Variants in GLT8D2 observed in about 807,000 individuals in gnomAD.
GLT8D2 encodes the protein glycosyltransferase 8 domain containing 2.
Under a neutral mutation model 44.5 loss-of-function variants are expected in GLT8D2, and 45 were observed. That is an observed-to-expected ratio of 1.01 (90% CI 0.80 to 1.30). GLT8D2 has a LOEUF of 1.30. Among genes scored for constraint, GLT8D2 ranks in the 50% most tolerant of loss-of-function variants. GLT8D2 has a pLI of 0.00. For missense variants in GLT8D2, 400 were observed against 430.4 expected, an observed-to-expected ratio of 0.93 and a Z score of 0.62; for synonymous variants, 156 against 157.2, an observed-to-expected ratio of 0.99 and a Z score of 0.06.
intron 4 of GLT8D2, among the ~76,000 whole-genome samples, chr12:104,005,258 A>C (rs913212827): frequency 1.1e-3 from 167 of 152,378 alleles, no homozygotes; most frequent in African/African-American, 3.9e-3. Context: ...CTGAAATGTT[A>C]GACCTAAAAC....
intron 1 of GLT8D2, among the ~76,000 whole-genome samples, chr12:104,026,007 G>T (rs899718059): frequency 2.6e-5 from 4 of 152,126 alleles, no homozygotes; most frequent in African/African-American, 9.7e-5. Context: ...GGCCAGGTAT[G>T]GTGGCTCACA....
intron 1 of GLT8D2, among the ~76,000 whole-genome samples, chr12:104,023,540 T>A (rs1878178355): frequency 6.6e-6 from 1 of 152,208 alleles, no homozygotes; most frequent in Admixed American, 6.5e-5. Context: ...TTTAAGTTTT[T>A]AAAAATTTAC....
intron 10 of GLT8D2, among the ~76,000 whole-genome samples, 160 bp from the exon 11 acceptor site, chr12:103,989,737 GTC>G (rs1475748131): frequency 6.6e-6 from 1 of 152,066 alleles, no homozygotes; most frequent in African/African-American, 2.4e-5. Flanking sequence ...ACCACTGTTA[GTC>G]TCTTGTGAAT....
chr12:103,990,079 AT>A (rs1465461189), intron 10 of GLT8D2, among the ~76,000 whole-genome samples: 2 of 152 alleles, frequency 0.013, no homozygotes, highest in African/African-American at 0.062. Flanking sequence ...ATGTGTACAA[AT>A]ATATATATAT....
intron 1 of GLT8D2, among the ~76,000 whole-genome samples, chr12:104,047,764 C>T (rs1220466920): frequency 6.6e-6 from 1 of 152,142 alleles, no homozygotes; most frequent in East Asian, 1.9e-4. Flanking sequence ...CAGACCATAG[C>T]ACTAGGGGTG....
chr12:103,997,707 T>C (rs934087651), intron 6 of GLT8D2, among the ~76,000 whole-genome samples, 172 bp from the exon 7 acceptor site: 21 of 152,060 alleles, frequency 1.4e-4, no homozygotes, highest in Non-Finnish European at 4.4e-5. Context: ...GCCCAACTTA[T>C]CTGAGGCCTG....
At chr12:104,010,480 C>T (rs1009333689) in intron 4 of GLT8D2, among the ~76,000 whole-genome samples, 8 of 152,224 alleles carry the variant, frequency 5.3e-5, no homozygotes, top group African/African-American at 1.9e-4. Context: ...CTTCTCTATG[C>T]TGTGGCCTTG....
intron 1 of GLT8D2, among the ~76,000 whole-genome samples, chr12:104,042,836 G>A (rs1363541943): frequency 1.3e-5 from 2 of 152,176 alleles, no homozygotes; most frequent in Admixed American, 6.5e-5. Context: ...ATTTGTGTTG[G>A]GCTGCATCCA....
chr12:104,055,820 T>G (rs1274848219), intron 1 of GLT8D2, among the ~76,000 whole-genome samples: 1 of 152,224 alleles, frequency 6.6e-6, no homozygotes, highest in Non-Finnish European at 1.5e-5. Flanking sequence ...ATTACCACAT[T>G]GGGTCAGGCT....
intron 1 of GLT8D2, among the ~76,000 whole-genome samples, chr12:104,032,466 C>CAAAAAAAAAAAAAAAAAAAAAAAAAAA (rs547392677): frequency 1.5e-4 from 9 of 59,670 alleles, no homozygotes; most frequent in Non-Finnish European, 2.5e-4. Context: ...TGTGCAATAG[C>CAAAAAAAAAAAAAAAAAAAAAAAAAAA]AAAAAAAAAA....
intron 4 of GLT8D2, among the ~76,000 whole-genome samples, chr12:104,010,994 G>T (rs945206030): frequency 4.6e-5 from 7 of 152,208 alleles, no homozygotes; most frequent in African/African-American, 1.7e-4. Flanking sequence ...TCCAGAAAAA[G>T]GTCAAACATT....
chr12:104,020,215 C>T (rs1307794397), intron 2 of GLT8D2, among the ~76,000 whole-genome samples: 3 of 152,102 alleles, frequency 2.0e-5, no homozygotes, highest in Non-Finnish European at 4.4e-5. Flanking sequence ...AGCCACAGTG[C>T]CCAGCCCAGA....
chr12:103,993,085 C>A (rs1354405323), intron 10 of GLT8D2, among the ~76,000 whole-genome samples: 4 of 152,088 alleles, frequency 2.6e-5, no homozygotes, highest in African/African-American at 9.7e-5. Context: ...AATCCTAGCA[C>A]TTTGGGAGGC....
intron 4 of GLT8D2, among the ~76,000 whole-genome samples, chr12:104,007,017 T>C (rs554236731): frequency 3.9e-5 from 6 of 152,318 alleles, no homozygotes; most frequent in Non-Finnish European, 8.8e-5. Context: ...TTCTCAAACG[T>C]TGACAGCAAG....
Position 103,989,483 on chromosome 12 carries a change from A to C in GLT8D2, c.975T>G (p.Ser325Arg), listed in dbSNP as rs769312571. The C allele has an allele frequency of 1.9e-6, 3 of 1,613,800 alleles. No homozygotes were observed. In the Admixed American group the frequency reaches 5.0e-5, roughly 27 times the overall value. The change falls in exon 11 of 11, where the codon AGT becomes AGG. Residue 325 changes from serine to arginine, a missense_variant. Transcript: ENST00000360814. ...AGCTTTCCCATAAGTCGTTGTGAAC[A>C]CTAGGGAAGTCCCAAGGTTTATGTC... ...NGRHKPWDFPSVHNDLWESWF... is the reference protein window; with the variant it reads ...NGRHKPWDFPRVHNDLWESWF...
Position 104,028,142 on chromosome 12 carries a change from A to G in GLT8D2, c.-163-6651T>C, listed in dbSNP as rs1379236262. Among the ~76,000 whole-genome samples the G allele has an allele frequency of 2.0e-5, 3 of 152,210 alleles. No homozygotes were observed. The East Asian group carries it at 5.8e-4, about 29-fold the overall frequency. On this transcript the variant is annotated intron_variant, in intron 1 of 10. Transcript: ENST00000360814. ...TTAGGATGCAGATAATCGCATGCCA[A>G]TTGCAAGGCACAGCAGTAATGAGCC...
At chr12:103,989,712 C>T in intron 10 of GLT8D2, 135 bp from the exon 11 acceptor site, 1 of 716,688 alleles carries the variant, frequency 1.4e-6, no homozygotes, top group Non-Finnish European at 2.2e-6. Context: ...CTACCCACCC[C>T]AGGTCTCCAA....
At chr12:103,993,258 G>T (rs1014925410) in intron 10 of GLT8D2, 134 bp downstream of exon 10, 1 of 701,326 alleles carries the variant, frequency 1.4e-6, no homozygotes, top group African/African-American at 1.8e-5. Flanking sequence ...TTGAACCCAG[G>T]AAGCGGAGGT....
At position 104,015,034 on chromosome 12, in the gene GLT8D2, TC is replaced by T. The variant is rs1344051599; in HGVS notation, c.90del (p.Thr31LeufsTer24). On this transcript the variant is annotated frameshift_variant, in exon 4 of 11. Coordinates refer to ENST00000360814, the MANE Select transcript of GLT8D2 (RefSeq NM_001384711.1). LOFTEE classifies it high-confidence loss of function. ...TCACCTGCGTCATTCTTGGGCACAG[TC>T]CCCTTATGAACTTTCTTATACAGAA... ...CVILYKKVHK[G>X]TVPKNDADDE... 6.2e-7 allele frequency: 1 copy of T among 1,612,960 alleles called. No individual in the cohort carries two copies. The highest frequency in any genetic ancestry group is 1.7e-5 in the Admixed American group (1 of 59,978).
Sources: allele counts gnomAD v4.1 joint callset (sites outside exome capture counted in the v4.1 genomes callset), GRCh38; gene constraint gnomAD v4.1.1; transcripts MANE v1.5; gene names NCBI Gene and HGNC (gene_info 2026-07-23, HGNC 2026-07-21).